Variants in EBF3 observed in about 807,000 individuals in gnomAD.
EBF3 encodes EBF transcription factor 3, also known as transcription factor COE3.
EBF3 carries 18 observed loss-of-function variants against 77.1 expected under a neutral mutation model. The observed-to-expected ratio is 0.23, with a 90% CI of 0.16 to 0.35. The LOEUF (loss-of-function observed/expected upper bound fraction) is 0.35. Ranked by LOEUF, EBF3 falls within the 10% of genes least tolerant of loss-of-function variation. EBF3 has a pLI of 1.00. For synonymous variants in EBF3, 350 were observed against 343.5 expected (o/e 1.02, Z -0.21); for missense variants, 558 against 860.0 (o/e 0.65, Z 4.39).
chr10:129,905,272 C>T (rs1039555683), intron 6 of EBF3, among the ~76,000 whole-genome samples: 1 of 152,304 alleles, frequency 6.6e-6, no homozygotes, highest in South Asian at 2.1e-4. Context: ...GGGGCCGGTC[C>T]TCATGGAGAT....
chr10:129,891,459 T>C (rs1854011592), intron 6 of EBF3, among the ~76,000 whole-genome samples: 1 of 152,258 alleles, frequency 6.6e-6, no homozygotes, highest in Admixed American at 6.5e-5. Context: ...ATTTTTCACC[T>C]GATACCATTC....
chr10:129,917,598 G>A (rs1855966362), intron 6 of EBF3, among the ~76,000 whole-genome samples: 1 of 125,332 alleles, frequency 8.0e-6, no homozygotes, highest in African/African-American at 3.0e-5. Flanking sequence ...CTATGACTGT[G>A]CCTCTGAATG....
intron 6 of EBF3, among the ~76,000 whole-genome samples, chr10:129,941,170 C>G (rs1014353761): frequency 1.3e-5 from 2 of 152,208 alleles, no homozygotes; most frequent in African/African-American, 4.8e-5. Flanking sequence ...AGATAAATAA[C>G]CACTAAATTC....
At chr10:129,925,546 C>T (rs1440978934) in intron 6 of EBF3, among the ~76,000 whole-genome samples, 1 of 147,766 alleles carries the variant, frequency 6.8e-6, no homozygotes, top group African/African-American at 2.5e-5. Context: ...GAGCCAAGAT[C>T]GTACCACTGC....
intron 6 of EBF3, among the ~76,000 whole-genome samples, chr10:129,954,975 C>T (rs753348054): frequency 9.2e-5 from 14 of 152,084 alleles, no homozygotes; most frequent in Admixed American, 7.9e-4. Flanking sequence ...TTGCAAAAGA[C>T]GGTGTCAGTC....
chr10:129,884,703 A>G (rs7095908), intron 6 of EBF3, among the ~76,000 whole-genome samples: 5,462 of 152,226 alleles, frequency 0.036, 352 homozygotes, highest in African/African-American at 0.12. Flanking sequence ...GGACTCCCCA[A>G]CTGGGAGTAC....
At chr10:129,872,226 T>C (rs1852453725) in intron 8 of EBF3, among the ~76,000 whole-genome samples, 1 of 152,166 alleles carries the variant, frequency 6.6e-6, no homozygotes, top group Non-Finnish European at 1.5e-5. Context: ...ACCTTCTTAA[T>C]TGTGAACCTC....
chr10:129,850,199 T>C (rs888422451), intron 10 of EBF3, among the ~76,000 whole-genome samples: 1 of 152,246 alleles, frequency 6.6e-6, no homozygotes, highest in Non-Finnish European at 1.5e-5. Flanking sequence ...TTTGACTTAA[T>C]GAATCGGCCT....
chr10:129,916,857 T>C (rs1446505449), intron 6 of EBF3, among the ~76,000 whole-genome samples: 3 of 151,952 alleles, frequency 2.0e-5, no homozygotes, highest in Non-Finnish European at 2.9e-5. Context: ...CCCTGGGAAA[T>C]GGGGAGGAGT....
chr10:129,908,438 G>T (rs897592636), intron 6 of EBF3, among the ~76,000 whole-genome samples: 1 of 152,206 alleles, frequency 6.6e-6, no homozygotes, highest in South Asian at 2.1e-4. Flanking sequence ...TTTCCCAGCA[G>T]AACTACATGG....
At position 129,840,306 on chromosome 10, in the gene EBF3, C is replaced by A. The variant is rs767074940; in HGVS notation, c.1698G>T (p.Val566=). 6.3e-7 allele frequency: 1 copy of A among 1,593,026 alleles called. No individual in the cohort carries two copies. ...AVKQKSAFAP[V]VRPQASPPPS... is the part of the protein sequence containing the mutation. ...GAGGAGGAGAGGCTTGGGGCCGGAC[C>A]ACGGGCGCGAAGGCGCTCTTCTGTT... The change falls in exon 15 of 17, where the codon GTG becomes GTT. Residue 566 remains valine, a synonymous_variant. Transcript: ENST00000440978.
At chr10:129,915,825 G>T (rs749483250) in intron 6 of EBF3, among the ~76,000 whole-genome samples, 52 of 152,212 alleles carry the variant, frequency 3.4e-4, no homozygotes, top group Admixed American at 2.0e-4. Flanking sequence ...ATGAAGATGA[G>T]AAGGGGCTGG....
chr10:129,956,078 C>T (rs1859014968), intron 6 of EBF3, among the ~76,000 whole-genome samples: 1 of 152,192 alleles, frequency 6.6e-6, no homozygotes, highest in African/African-American at 2.4e-5. Flanking sequence ...TATTTGATTA[C>T]TAATAAGAGA....
chr10:129,867,112 TC>T (rs762927497), intron 10 of EBF3, 28 bp downstream of exon 10: 3 of 1,606,104 alleles, frequency 1.9e-6, no homozygotes, highest in African/African-American at 2.7e-5. Context: ...TCTACCGCTT[TC>T]CCGCAGAAGC....
At chr10:129,932,775 C>T (rs1046880773) in intron 6 of EBF3, among the ~76,000 whole-genome samples, 1 of 152,206 alleles carries the variant, frequency 6.6e-6, no homozygotes, top group Non-Finnish European at 1.5e-5. Flanking sequence ...GCTGACAGAG[C>T]CGGCATGTGA....
Position 129,911,920 on chromosome 10 carries a change from G to A in EBF3, c.555-34071C>T, listed in dbSNP as rs372841006. 6.6e-5 allele frequency among the ~76,000 whole-genome samples: 10 copies of A among 152,256 alleles called. No homozygotes were observed. In the East Asian group the frequency reaches 1.7e-3, roughly 27 times the overall value. ...AGGGGTCTCCGCGAGGCCTCATGGA[G>A]GAAATGCATGGCTGCTTCCTCCCCA... On this transcript the variant is annotated intron_variant, in intron 6 of 16. Transcript: ENST00000440978.
intron 10 of EBF3, among the ~76,000 whole-genome samples, chr10:129,865,088 C>G (rs565778539): frequency 8.9e-4 from 136 of 152,274 alleles, no homozygotes; most frequent in Middle Eastern, 3.4e-3. Flanking sequence ...CCAGATGTGC[C>G]AAGGGACTCA....
In EBF3 at chr10:129,929,359, C is replaced by T. The variant is rs558289720; in HGVS notation, c.554+27899G>A. Among the ~76,000 whole-genome samples the T allele has an allele frequency of 2.0e-5, 3 of 152,160 alleles. No homozygotes were observed. In the East Asian group the frequency reaches 5.8e-4, roughly 29 times the overall value. On this transcript the variant is annotated intron_variant, in intron 6 of 16. Transcript: ENST00000440978. Reference sequence around the variant, plus strand: ...AGCTGGAACTACAGGCACCTGCCACCCACACCCAGGTAATTTTTGTAATTT... The same window carrying T: ...AGCTGGAACTACAGGCACCTGCCACTCACACCCAGGTAATTTTTGTAATTT...
At chr10:129,852,297 G>C (rs912194790) in intron 10 of EBF3, among the ~76,000 whole-genome samples, 1 of 152,220 alleles carries the variant, frequency 6.6e-6, no homozygotes, top group Non-Finnish European at 1.5e-5. Context: ...AAATATTTAA[G>C]TCATGCCCGT....
Sources: gnomAD v4.1 joint callset for allele counts (sites outside exome capture counted in the v4.1 genomes callset) on GRCh38, gnomAD v4.1.1 for gene constraint, MANE v1.5 for transcripts, NCBI Gene and HGNC (gene_info 2026-07-23, HGNC 2026-07-21) for gene names.